Variants in ADAM20 observed in about 807,000 individuals in gnomAD.
The protein encoded by ADAM20 is ADAM metallopeptidase domain 20.
For synonymous variants in ADAM20, 305 were observed against 310.2 expected (o/e 0.98, Z 0.18); for missense variants, 871 against 883.2 (o/e 0.99, Z 0.18).
rs372242171 is a variant in ADAM20 at position 70,522,979 on chromosome 14, G to T, written c.1779C>A (p.Gly593=). The change falls in exon 2 of 2, where the codon GGC becomes GGA. Residue 593 remains glycine, a synonymous_variant. Transcript: ENST00000256389. ...QFHLNDTTCW[G]TDYHLGMAIP... is the part of the protein sequence containing the mutation. ...TAGCCATCCCTAAATGATAATCAGT[G>T]CCCCAGCAAGTGGTGTCATTGAGGT... The T allele has an allele frequency of 6.2e-7, 1 of 1,613,886 alleles. No homozygotes were observed. Among genetic ancestry groups the T allele is most frequent in the African/African-American group, 1.3e-5 (1 of 74,882 alleles).
At chr14:70,562,378 G>A in the ADAM20 span, among the ~76,000 whole-genome samples, 1 of 152,158 alleles carries the variant, frequency 6.6e-6, no homozygotes, top group Non-Finnish European at 1.5e-5. Flanking sequence ...GCTCATAAAT[G>A]GAAAGAATTT....
In ADAM20 at chr14:70,524,712, G is replaced by C. The variant is rs965014835; in HGVS notation, c.46C>G (p.Leu16Val). 3.1e-6 allele frequency: 5 copies of C among 1,613,998 alleles called. No homozygotes were observed. The highest frequency in any genetic ancestry group is 4.2e-6 in the Non-Finnish European group (5 of 1,179,948). Residue 16 changes from leucine (L) to valine (V), a missense_variant, in exon 2 of 2, where the codon CTG (leucine) becomes GTG (valine). Coordinates refer to ENST00000256389, the MANE Select transcript of ADAM20 (RefSeq NM_003814.5). ...PLVHIRVTLLLLWFGMFLSIS... is the reference protein window; with the variant it reads ...PLVHIRVTLLVLWFGMFLSIS... ...GACAAAAACATCCCAAACCAGAGCA[G>C]CAGAAGAGTGACCCTGATGTGCACC... is the stretch of plus-strand genomic sequence containing the variant.
the ADAM20 span, among the ~76,000 whole-genome samples, chr14:70,563,842 T>A: frequency 6.6e-6 from 1 of 152,250 alleles, no homozygotes; most frequent in Non-Finnish European, 1.5e-5. Flanking sequence ...TAGTACAGCC[T>A]GCAGTACCAT....
Position 70,534,082 on chromosome 14 carries a change from C to CAA in ADAM20, c.-177+713_-177+714dup, listed in dbSNP as rs59828723. On this transcript the variant is annotated intron_variant, in intron 1 of 1. Coordinates refer to ENST00000256389, the MANE Select transcript of ADAM20 (RefSeq NM_003814.5). ...TGGGCGAGAGAGCAAGACCCTGTCT[C>CAA]AAAAAAAAAAAAAAAAAAAAAAAAA... Among the ~76,000 whole-genome samples, 261 of 53,796 alleles carry CAA rather than the reference C, an allele frequency of 4.9e-3. 9 individuals are homozygous for CAA. The highest frequency in any genetic ancestry group is 6.7e-3 in the Non-Finnish European group (170 of 25,228). 35.3% of individuals were successfully genotyped at this position (53,796 alleles called of 152,430 possible). A position where few individuals can be genotyped will look rare whatever the true frequency, so the allele number is the denominator to read the frequency against.
chr14:70,560,492 A>G, the ADAM20 span, among the ~76,000 whole-genome samples: 1 of 152,186 alleles, frequency 6.6e-6, no homozygotes. Context: ...CTATGAGCAA[A>G]CCTGAAAAGA....
At chr14:70,572,826 G>GA in the ADAM20 span, among the ~76,000 whole-genome samples, 4 of 151,746 alleles carry the variant, frequency 2.6e-5, no homozygotes, top group Non-Finnish European at 4.4e-5. Flanking sequence ...CAAAAAACAT[G>GA]AAAAAATGCT....
chr14:70,562,294 C>A, the ADAM20 span, among the ~76,000 whole-genome samples: 16 of 152,276 alleles, frequency 1.1e-4, no homozygotes, highest in East Asian at 3.1e-3. Flanking sequence ...TTTGTGTTGG[C>A]CAATTTCTCC....
At chr14:70,560,065 A>G in the ADAM20 span, among the ~76,000 whole-genome samples, 1 of 152,350 alleles carries the variant, frequency 6.6e-6, no homozygotes, top group Admixed American at 6.5e-5. Context: ...ATATGTTTTC[A>G]TCCAACTCAA....
At chr14:70,528,229 C>T (rs560197313) in intron 1 of ADAM20, among the ~76,000 whole-genome samples, 30 of 152,204 alleles carry the variant, frequency 2.0e-4, no homozygotes, top group African/African-American at 6.5e-4. Context: ...ATGTGAAGTT[C>T]AATACAATAT....
chr14:70,574,629 G>C, the ADAM20 span, among the ~76,000 whole-genome samples: 40 of 151,118 alleles, frequency 2.6e-4, 1 homozygote, highest in Admixed American at 1.7e-3. Flanking sequence ...GACAGAGCGA[G>C]ACTCCGTCTC....
chr14:70,539,505 C>T (rs1429068368), upstream of ADAM20, among the ~76,000 whole-genome samples: 2 of 152,216 alleles, frequency 1.3e-5, no homozygotes, highest in Admixed American at 6.5e-5. Flanking sequence ...CACGGCTCTT[C>T]TAGGCCTCTT....
chr14:70,564,671 C>T, the ADAM20 span, among the ~76,000 whole-genome samples: 1 of 136,922 alleles, frequency 7.3e-6, no homozygotes, highest in African/African-American at 2.7e-5. Flanking sequence ...TGTTGATAGA[C>T]AATTAAATTA....
At chr14:70,529,711 T>C (rs1883668612) in intron 1 of ADAM20, among the ~76,000 whole-genome samples, 1 of 152,180 alleles carries the variant, frequency 6.6e-6, no homozygotes, top group Non-Finnish European at 1.5e-5. Context: ...ACTCATCATG[T>C]ATGGAGCTTG....
chr14:70,574,156 A>G, the ADAM20 span, among the ~76,000 whole-genome samples: 2 of 152,360 alleles, frequency 1.3e-5, no homozygotes, highest in Non-Finnish European at 2.9e-5. Flanking sequence ...TTTTTCAACA[A>G]TTATATGAAA....
chr14:70,577,083 G>A, the ADAM20 span, among the ~76,000 whole-genome samples: 1 of 152,114 alleles, frequency 6.6e-6, no homozygotes, highest in African/African-American at 2.4e-5. Flanking sequence ...CGCACTGTTT[G>A]GTATGCAAAC....
chr14:70,541,531 T>A, the ADAM20 span, among the ~76,000 whole-genome samples: 63 of 152,188 alleles, frequency 4.1e-4, no homozygotes, highest in African/African-American at 1.4e-3. Context: ...TAAAAAAAGG[T>A]CTATAAAAAT....
At chr14:70,577,105 A>G in the ADAM20 span, among the ~76,000 whole-genome samples, 1 of 152,216 alleles carries the variant, frequency 6.6e-6, no homozygotes. Context: ...CTTTCATGGA[A>G]GAGAATATTT....
At position 70,524,204 on chromosome 14, in the gene ADAM20, T is replaced by C. The variant is rs779066325; in HGVS notation, c.554A>G (p.Glu185Gly). The change falls in exon 2 of 2, where the codon GAG becomes GGG. Residue 185 changes from glutamate (E) to glycine (G), a missense_variant. Transcript: ENST00000256389. ...LTEEKIAHQM[E>G]LQLSYNFTLK... is the part of the protein sequence containing the mutation. ...AGTGAAATTATATGACAATTGCAAC[T>C]CCATCTGGTGTGCTATTTTCTCTTC... 5.1e-5 allele frequency: 83 copies of C among 1,613,800 alleles called. No homozygotes were observed. The highest frequency in any genetic ancestry group is 6.0e-5 in the Non-Finnish European group (71 of 1,179,928).
chr14:70,537,633 C>A (rs1555356024), upstream of ADAM20, among the ~76,000 whole-genome samples: 1 of 152,162 alleles, frequency 6.6e-6, no homozygotes, highest in Non-Finnish European at 1.5e-5. Context: ...TGTCTGGGGA[C>A]AACTGGAACA....
Sources: gnomAD v4.1 joint callset for allele counts (sites outside exome capture counted in the v4.1 genomes callset) on GRCh38, gnomAD v4.1.1 for gene constraint, MANE v1.5 for transcripts, NCBI Gene and HGNC (gene_info 2026-07-23, HGNC 2026-07-21) for gene names.